Variants in DCC observed in about 807,000 individuals in gnomAD.
DCC encodes netrin receptor DCC.
DCC carries 58 observed loss-of-function variants against 172.5 expected under a neutral mutation model. The ratio of observed to expected loss-of-function variants is 0.34; its 90% CI spans 0.27 to 0.42. DCC has a LOEUF of 0.42. Among genes scored for constraint, DCC ranks in the 10% least tolerant of loss-of-function variants. DCC has a pLI of 1.00. For missense variants in DCC, 1,740 were observed against 1,791.0 expected (o/e 0.97, Z 0.51); for synonymous variants, 709 against 644.5 (o/e 1.10, Z -1.52).
At chr18:53,464,665 C>T (rs1384189644) in intron 24 of DCC, among the ~76,000 whole-genome samples, 1 of 151,412 alleles carries the variant, frequency 6.6e-6, no homozygotes, top group Non-Finnish European at 1.5e-5. Flanking sequence ...AGACACCCAA[C>T]AATATCAAAG....
intron 5 of DCC, among the ~76,000 whole-genome samples, chr18:53,045,290 G>A (rs2042222244): frequency 6.6e-6 from 1 of 151,840 alleles, no homozygotes; most frequent in Non-Finnish European, 1.5e-5. Context: ...AGCATAAGAG[G>A]ATTTCAGTCT....
chr18:53,358,376 T>A (rs965669548), intron 15 of DCC, among the ~76,000 whole-genome samples: 1 of 151,994 alleles, frequency 6.6e-6, no homozygotes, highest in African/African-American at 2.4e-5. Flanking sequence ...ACAAAAAAAA[T>A]TTCTTGTAAT....
chr18:52,691,956 C>T (rs1234304946), intron 1 of DCC, among the ~76,000 whole-genome samples: 1 of 152,138 alleles, frequency 6.6e-6, no homozygotes, highest in East Asian at 1.9e-4. Flanking sequence ...AACAGTATTC[C>T]CCTAAATAAC....
intron 2 of DCC, among the ~76,000 whole-genome samples, chr18:52,879,212 C>G (rs1000981785): frequency 6.6e-6 from 1 of 152,026 alleles, no homozygotes; most frequent in Non-Finnish European, 1.5e-5. Context: ...TTTTTCCTTT[C>G]CTCTTTTTTA....
intron 15 of DCC, among the ~76,000 whole-genome samples, chr18:53,361,335 G>A (rs934904669): frequency 1.3e-5 from 2 of 152,112 alleles, no homozygotes; most frequent in Admixed American, 6.6e-5. Context: ...CAAAACCGTA[G>A]TTGTTGGACT....
intron 2 of DCC, among the ~76,000 whole-genome samples, chr18:52,872,261 T>A (rs562211967): frequency 6.6e-6 from 1 of 152,134 alleles, no homozygotes; most frequent in Admixed American, 6.5e-5. Context: ...GACACTTGGC[T>A]AGCAAAGGTG....
intron 7 of DCC, among the ~76,000 whole-genome samples, chr18:53,078,152 G>C (rs1211162806): frequency 6.6e-6 from 1 of 152,146 alleles, no homozygotes; most frequent in African/African-American, 2.4e-5. Context: ...AAATTAGAGT[G>C]TTGTGATATG....
chr18:53,326,102 A>G (rs551406552), intron 14 of DCC, among the ~76,000 whole-genome samples: 5 of 152,226 alleles, frequency 3.3e-5, no homozygotes, highest in Non-Finnish European at 4.4e-5. Flanking sequence ...CCACACAAAT[A>G]TCAACTTTTT....
chr18:53,020,217 G>A (rs541992032), intron 5 of DCC, among the ~76,000 whole-genome samples: 1 of 152,070 alleles, frequency 6.6e-6, no homozygotes, highest in South Asian at 2.1e-4. Context: ...AAACCCAAAT[G>A]TTTTAGGGCA....
chr18:53,082,129 A>G (rs1191303992), intron 7 of DCC, among the ~76,000 whole-genome samples: 1 of 152,088 alleles, frequency 6.6e-6, no homozygotes, highest in Non-Finnish European at 1.5e-5. Flanking sequence ...GGGGGCTTTC[A>G]CTGTATTCTT....
intron 1 of DCC, among the ~76,000 whole-genome samples, chr18:52,524,320 C>G (rs8092669): frequency 1.9e-3 from 290 of 152,112 alleles, no homozygotes; most frequent in African/African-American, 6.8e-3. Flanking sequence ...TTTGAAAAGC[C>G]CTGGTATACA....
chr18:53,145,436 G>A (rs1458677984), intron 7 of DCC, among the ~76,000 whole-genome samples: 2 of 152,170 alleles, frequency 1.3e-5, no homozygotes, highest in Non-Finnish European at 1.5e-5. Flanking sequence ...TTATGAGTGC[G>A]ATTCATGCCC....
chr18:53,345,357 A>G (rs1030149865), intron 15 of DCC, among the ~76,000 whole-genome samples: 15 of 152,176 alleles, frequency 9.9e-5, no homozygotes, highest in African/African-American at 2.9e-4. Context: ...CATCATATAA[A>G]ACATAGAAAC....
At chr18:52,643,683 T>A (rs1768619860) in intron 1 of DCC, among the ~76,000 whole-genome samples, 1 of 152,154 alleles carries the variant, frequency 6.6e-6, no homozygotes, top group South Asian at 2.1e-4. Flanking sequence ...CACTATTTTC[T>A]CCTTGTGAAG....
intron 2 of DCC, among the ~76,000 whole-genome samples, chr18:52,883,061 G>A (rs1019637516): frequency 1.3e-5 from 2 of 152,054 alleles, no homozygotes; most frequent in African/African-American, 4.8e-5. Flanking sequence ...TCTAATACAA[G>A]TATAGCTACT....
intron 12 of DCC, among the ~76,000 whole-genome samples, chr18:53,252,319 C>T (rs1459633213): frequency 4.6e-5 from 7 of 151,768 alleles, no homozygotes; most frequent in African/African-American, 1.5e-4. Context: ...TAAAGTATTA[C>T]ACCACAATAA....
chr18:52,953,914 A>G (rs959758179), intron 5 of DCC, among the ~76,000 whole-genome samples: 2 of 152,224 alleles, frequency 1.3e-5, no homozygotes, highest in Non-Finnish European at 2.9e-5. Flanking sequence ...TCGGAGTTTC[A>G]TGAGTGTTGG....
chr18:53,209,278 A>G (rs1281346794), intron 11 of DCC, among the ~76,000 whole-genome samples: 1 of 152,214 alleles, frequency 6.6e-6, no homozygotes, highest in Non-Finnish European at 1.5e-5. Flanking sequence ...AAATTTTATA[A>G]AAAGTGAAAA....
chr18:53,446,883 C>A (rs1912644876), intron 22 of DCC, among the ~76,000 whole-genome samples: 1 of 151,982 alleles, frequency 6.6e-6, no homozygotes, highest in African/African-American at 2.4e-5. Context: ...TAAAATGGTC[C>A]CCAAATGTAG....
Sources: gnomAD v4.1 joint callset for allele counts (sites outside exome capture counted in the v4.1 genomes callset) on GRCh38, gnomAD v4.1.1 for gene constraint, MANE v1.5 for transcripts, NCBI Gene and HGNC (gene_info 2026-07-23, HGNC 2026-07-21) for gene names.